Variants in TNIP3 observed in about 807,000 individuals in gnomAD.
TNIP3 encodes TNFAIP3-interacting protein 3.
Under a neutral mutation model 54.1 loss-of-function variants are expected in TNIP3, and 34 were observed. That is an observed-to-expected ratio of 0.63 (90% CI 0.48 to 0.84). The LOEUF (loss-of-function observed/expected upper bound fraction) is 0.84, where lower values mean the gene tolerates loss of function less well. TNIP3 is among the 40% of genes least tolerant of loss of function. The probability of loss-of-function intolerance (pLI) is 0.00; values close to 1 mark genes in which losing one functional copy is unlikely to be tolerated. For missense variants in TNIP3, 366 were observed against 387.6 expected, an observed-to-expected ratio of 0.94 and a Z score of 0.47; for synonymous variants, 134 against 136.8, an observed-to-expected ratio of 0.98 and a Z score of 0.14.
chr4:121,142,861 G>A lies in TNIP3; in HGVS notation c.736-85C>T, dbSNP rs1044012860. The A allele has an allele frequency of 7.1e-6, 8 of 1,132,832 alleles. No homozygotes were observed. The African/African-American group carries it at 1.2e-4, about 18-fold the overall frequency. 70.2% of individuals were successfully genotyped at this position (1,132,832 alleles called of 1,614,324 possible). A position where few individuals can be genotyped will look rare whatever the true frequency, so the allele number is the denominator to read the frequency against. ...CCACTCTTGACCTACTCAAGTGTCA[G>A]GCATTGACAGCAGTAATACCAACAA... On this transcript the variant is annotated intron_variant, in intron 7 of 10. Transcript: ENST00000057513.
chr4:121,186,617 G>A (rs1725037062), intron 2 of TNIP3, among the ~76,000 whole-genome samples: 3 of 152,164 alleles, frequency 2.0e-5, no homozygotes, highest in South Asian at 4.1e-4. Context: ...GCTGACAGTA[G>A]GATTAGTGAT....
Position 121,215,168 on chromosome 4 carries a change from A to G in TNIP3, c.68+1247T>C, listed in dbSNP as rs546854065. Among the ~76,000 whole-genome samples the G allele has an allele frequency of 6.0e-4, 92 of 152,136 alleles. 1 individual carries two copies. The highest frequency in any genetic ancestry group is 1.2e-4 in the Non-Finnish European group (8 of 68,018). On this transcript the variant is annotated intron_variant, in intron 2 of 12. Coordinates refer to the TNIP3 transcript ENST00000507879. ...GCCTATTGGAAATCCTTGGCTCAAA[A>G]TTCTTAATGGTACCCCTTGTCAAGT...
rs929821632 is a variant in TNIP3 at position 121,149,262 on chromosome 4, T to C, written c.609+841A>G. Among the ~76,000 whole-genome samples, 6 of 152,304 alleles carry C rather than the reference T, an allele frequency of 3.9e-5. No homozygotes were observed. The East Asian group carries it at 9.6e-4, about 24-fold the overall frequency. ...GAGGTTAGGTGAGTGGGGAGGAGAATGCTCTTGTGCATCAGTGAATTGCTA... is the reference window on the plus strand; with the variant it reads ...GAGGTTAGGTGAGTGGGGAGGAGAACGCTCTTGTGCATCAGTGAATTGCTA... On this transcript the variant is annotated intron_variant, in intron 6 of 10. Coordinates refer to ENST00000057513, the MANE Select transcript of TNIP3 (RefSeq NM_024873.6).
intron 1 of TNIP3, among the ~76,000 whole-genome samples, chr4:121,224,649 T>A (rs1253276772): frequency 1.3e-5 from 2 of 152,204 alleles, no homozygotes; most frequent in Non-Finnish European, 2.9e-5. Flanking sequence ...CTCTTTAAAG[T>A]TGATAATCTT....
intron 2 of TNIP3, among the ~76,000 whole-genome samples, chr4:121,199,353 C>T (rs1230527502): frequency 1.3e-5 from 2 of 152,178 alleles, no homozygotes; most frequent in Non-Finnish European, 2.9e-5. Flanking sequence ...GTTACTTAGA[C>T]AGCAGTTTGC....
chr4:121,132,523 G>A lies in TNIP3; in HGVS notation c.*108C>T, dbSNP rs910217708. 9.8e-7 allele frequency: 1 copy of A among 1,020,414 alleles called. No homozygotes were observed. Among genetic ancestry groups the A allele is most frequent in the Non-Finnish European group, 1.5e-6 (1 of 656,874 alleles). The allele number at this position is 1,020,414 out of a possible 1,614,324, so 63.2% of individuals were successfully genotyped here. On this transcript the variant is annotated 3_prime_UTR_variant, in exon 11 of 11. Coordinates refer to ENST00000057513, the MANE Select transcript of TNIP3 (RefSeq NM_024873.6). ...AACATGACCAGGCACAAATAACAGG[G>A]TAGATGATGTGCCTTTGTGGCAGAA...
At chr4:121,223,163 A>C (rs540308904) in intron 1 of TNIP3, among the ~76,000 whole-genome samples, 6 of 152,146 alleles carry the variant, frequency 3.9e-5, no homozygotes, top group African/African-American at 1.4e-4. Context: ...GATCGCTTTC[A>C]TATCCATTAC....
intron 2 of TNIP3, among the ~76,000 whole-genome samples, chr4:121,212,690 A>G (rs1227738440): frequency 2.6e-5 from 4 of 152,210 alleles, no homozygotes; most frequent in Non-Finnish European, 5.9e-5. Flanking sequence ...ACAAAACAAT[A>G]TGAATGGACG....
At chr4:121,136,335 A>C (rs1358026945) in intron 10 of TNIP3, among the ~76,000 whole-genome samples, 1 of 152,184 alleles carries the variant, frequency 6.6e-6, no homozygotes, top group Non-Finnish European at 1.5e-5. Context: ...AATTTCAATA[A>C]AGTGAGAGAG....
At chr4:121,173,619 C>T (rs1040036668) in intron 3 of TNIP3, among the ~76,000 whole-genome samples, 1 of 151,966 alleles carries the variant, frequency 6.6e-6, no homozygotes, top group Non-Finnish European at 1.5e-5. Context: ...TTGACTTCAC[C>T]TTCATTCATG....
At position 121,164,154 on chromosome 4, in the gene TNIP3, A is replaced by G; in HGVS notation, c.-29T>C. 2 of 1,613,568 alleles carry G rather than the reference A, an allele frequency of 1.2e-6. No individual in the cohort carries two copies. The highest frequency in any genetic ancestry group is 2.2e-5 in the South Asian group (2 of 91,042). On this transcript the variant is annotated 5_prime_UTR_variant, in exon 1 of 11. Coordinates refer to ENST00000057513, the MANE Select transcript of TNIP3 (RefSeq NM_024873.6). ...AGCTGTTTTTCCTGGAGTCTTGGAAAGCAGAAAGAAAAACAGGGGAAAAGT... is the reference window on the plus strand; with the variant it reads ...AGCTGTTTTTCCTGGAGTCTTGGAAGGCAGAAAGAAAAACAGGGGAAAAGT...
At chr4:121,155,864 A>G (rs1267205550) in intron 4 of TNIP3, among the ~76,000 whole-genome samples, 1 of 152,224 alleles carries the variant, frequency 6.6e-6, no homozygotes, top group African/African-American at 2.4e-5. Context: ...AATCCGCTTT[A>G]GGTAATTCAT....
chr4:121,197,077 GA>G (rs1560686242), intron 2 of TNIP3, among the ~76,000 whole-genome samples: 1 of 151,920 alleles, frequency 6.6e-6, no homozygotes, highest in Non-Finnish European at 1.5e-5. Context: ...TCAAAAATGG[GA>G]AAAAATCAAC....
chr4:121,134,801 A>G (rs1858291), intron 10 of TNIP3, among the ~76,000 whole-genome samples: 50,373 of 151,984 alleles, frequency 0.33, 10,812 homozygotes, highest in African/African-American at 0.61. Context: ...ACTCTGCTCT[A>G]GCCCTCCTCC....
At chr4:121,222,516 C>T (rs1014467864) in intron 1 of TNIP3, among the ~76,000 whole-genome samples, 2 of 152,106 alleles carry the variant, frequency 1.3e-5, no homozygotes, top group Non-Finnish European at 2.9e-5. Flanking sequence ...TAACACTTCC[C>T]TTCTTCAAGG....
chr4:121,173,115 C>A (rs145070383), intron 3 of TNIP3, among the ~76,000 whole-genome samples: 1 of 152,244 alleles, frequency 6.6e-6, no homozygotes, highest in East Asian at 1.9e-4. Context: ...TGGTTTACTT[C>A]CCCCAAAGAA....
intron 10 of TNIP3, among the ~76,000 whole-genome samples, chr4:121,134,862 C>A (rs1728685852): frequency 6.6e-6 from 1 of 152,206 alleles, no homozygotes; most frequent in Admixed American, 6.5e-5. Context: ...GAACAAGCTC[C>A]TCCTGGCACC....
At chr4:121,135,303 T>C (rs1728715450) in intron 10 of TNIP3, among the ~76,000 whole-genome samples, 1 of 152,230 alleles carries the variant, frequency 6.6e-6, no homozygotes. Flanking sequence ...GCCCCAGAAA[T>C]GTTAGAGGAG....
upstream of TNIP3, among the ~76,000 whole-genome samples, chr4:121,167,237 A>G (rs1306502361): frequency 5.3e-5 from 8 of 152,162 alleles, no homozygotes; most frequent in Non-Finnish European, 1.2e-4. Flanking sequence ...ACACACACAT[A>G]CATATGTGTG....
Sources: gnomAD v4.1 joint callset for allele counts (sites outside exome capture counted in the v4.1 genomes callset) on GRCh38, gnomAD v4.1.1 for gene constraint, MANE v1.5 for transcripts, NCBI Gene and HGNC (gene_info 2026-07-23, HGNC 2026-07-21) for gene names.